Variants in RSF1 observed in about 807,000 individuals in gnomAD.
The protein encoded by RSF1 is HBV pX-associated protein 8.
In RSF1, 13 loss-of-function variants were observed where a neutral mutation model predicts 145.2. The observed-to-expected ratio is 0.09, with a 90% CI of 0.06 to 0.14. The LOEUF is 0.14. Among genes scored for constraint, RSF1 ranks in the 10% least tolerant of loss-of-function variants. The pLI is 1.00. For synonymous variants in RSF1, 577 were observed against 592.6 expected, an observed-to-expected ratio of 0.97 and a Z score of 0.38; for missense variants, 1,517 against 1,718.2, an observed-to-expected ratio of 0.88 and a Z score of 2.07.
chr11:77,819,382 G>C (rs909900698), intron 1 of RSF1, among the ~76,000 whole-genome samples: 2 of 152,236 alleles, frequency 1.3e-5, no homozygotes, highest in African/African-American at 4.8e-5. Context: ...GGAATAAATG[G>C]GGGTGAGTAT....
In RSF1 at chr11:77,672,098, C is replaced by T. The variant is rs755501559; in HGVS notation, c.3695G>A (p.Arg1232His). 10 of 1,614,046 alleles carry T rather than the reference C, an allele frequency of 6.2e-6. No homozygotes were observed. The highest frequency in any genetic ancestry group is 2.2e-5 in the East Asian group (1 of 44,886). ...GTGTACTCGCCTTATTTCTTTACCA[C>T]GTCGCAAACTCTTCTGGGAACCGTC... is the stretch of plus-strand genomic sequence containing the variant. ...ESDGSQKSLR[R>H]GKEIRRVHKR... The change falls in exon 15 of 16, where the codon CGT becomes CAT. Residue 1232 changes from arginine to histidine, a missense_variant. By Grantham distance (29) the Arg-to-His change is conservative. Coordinates refer to ENST00000308488, the MANE Select transcript of RSF1 (RefSeq NM_016578.4).
intron 5 of RSF1, 75 bp downstream of exon 5, chr11:77,725,470 T>C (rs1241627201): frequency 8.7e-7 from 1 of 1,152,256 alleles, no homozygotes; most frequent in Non-Finnish European, 1.1e-6. Context: ...TTCAGAATTA[T>C]ATAGTTGGGA....
At chr11:77,843,923 A>C in the RSF1 span, among the ~76,000 whole-genome samples, 1 of 152,176 alleles carries the variant, frequency 6.6e-6, no homozygotes. Flanking sequence ...GAGCTTGTGC[A>C]GAGAAACTCT....
intron 1 of RSF1, among the ~76,000 whole-genome samples, chr11:77,819,724 G>A (rs1025602698): frequency 6.6e-6 from 1 of 152,182 alleles, no homozygotes. Flanking sequence ...AAGATGAAGG[G>A]GGAAGGGATT....
intron 5 of RSF1, among the ~76,000 whole-genome samples, chr11:77,706,198 C>T (rs1373921013): frequency 6.7e-6 from 1 of 149,882 alleles, no homozygotes; most frequent in African/African-American, 2.5e-5. Flanking sequence ...CTGAGATTGC[C>T]CCACTGCACT....
intron 8 of RSF1, among the ~76,000 whole-genome samples, chr11:77,693,154 A>C (rs1415596245): frequency 6.6e-6 from 1 of 152,224 alleles, no homozygotes; most frequent in African/African-American, 2.4e-5. Flanking sequence ...AACTACTGAC[A>C]AATACAAAGT....
chr11:77,831,592 C>G, the RSF1 span, among the ~76,000 whole-genome samples: 7 of 152,176 alleles, frequency 4.6e-5, no homozygotes, highest in South Asian at 1.2e-3. Context: ...CTGCTCTACC[C>G]TTACCTTCTT....
chr11:77,828,646 G>C, the RSF1 span, among the ~76,000 whole-genome samples: 1 of 150,590 alleles, frequency 6.6e-6, no homozygotes, highest in East Asian at 1.9e-4. Context: ...ACTGCGCCTG[G>C]GCAACAGAGT....
Position 77,734,640 on chromosome 11 carries a change from A to G in RSF1, c.578+6091T>C, listed in dbSNP as rs912240280. On this transcript the variant is annotated intron_variant, in intron 4 of 15. Coordinates refer to ENST00000308488, the MANE Select transcript of RSF1 (RefSeq NM_016578.4). ...AATGTGTCTCAATGAAGTCACACAA[A>G]TGGGGGTCATTTTTGTCAGTGGCCA... The G allele has an allele frequency of 4.7e-5, 70 of 1,489,956 alleles. No homozygotes were observed. The South Asian group carries it at 7.4e-4, about 16-fold the overall frequency. 92.3% of individuals were successfully genotyped at this position (1,489,956 alleles called of 1,614,324 possible).
chr11:77,679,710 T>C (rs897878105), intron 11 of RSF1, among the ~76,000 whole-genome samples: 1 of 150,706 alleles, frequency 6.6e-6, no homozygotes, highest in African/African-American at 2.4e-5. Context: ...GTCCCAATAA[T>C]AGGGCTATAT....
At chr11:77,786,347 C>A (rs1044241259) in intron 1 of RSF1, among the ~76,000 whole-genome samples, 1 of 151,920 alleles carries the variant, frequency 6.6e-6, no homozygotes, top group Non-Finnish European at 1.5e-5. Context: ...CTGATCAGCA[C>A]GCGAATAAAA....
intron 1 of RSF1, among the ~76,000 whole-genome samples, 193 bp from the exon 2 acceptor site, chr11:77,764,882 C>T (rs1189445532): frequency 6.6e-6 from 1 of 152,092 alleles, no homozygotes; most frequent in Admixed American, 6.6e-5. Context: ...ACCACTTTCT[C>T]AAAGACAAGC....
At chr11:77,717,785 C>A (rs1960850849) in intron 5 of RSF1, 1 of 152,146 alleles carries the variant, frequency 6.6e-6, no homozygotes. Flanking sequence ...TATCTCCAGT[C>A]ATATTAAAAT....
intron 3 of RSF1, 65 bp downstream of exon 3, chr11:77,746,971 T>C: frequency 1.0e-6 from 1 of 994,784 alleles, no homozygotes; most frequent in Admixed American, 2.2e-5. Context: ...TATTTTCCAA[T>C]TTAACCAGGA....
chr11:77,830,987 CAAAAAA>C, the RSF1 span, among the ~76,000 whole-genome samples: 12,288 of 100,578 alleles, frequency 0.12, 806 homozygotes, highest in Admixed American at 0.25. Flanking sequence ...CAAAATATAC[CAAAAAA>C]AAAAAAAAAA....
At chr11:77,803,311 C>T (rs138698084) in intron 1 of RSF1, among the ~76,000 whole-genome samples, 338 of 152,100 alleles carry the variant, frequency 2.2e-3, no homozygotes, top group African/African-American at 7.3e-3. Context: ...CCAAACCCAG[C>T]TAATTTTTTT....
chr11:77,844,080 T>A, the RSF1 span, among the ~76,000 whole-genome samples: 1 of 152,068 alleles, frequency 6.6e-6, no homozygotes, highest in African/African-American at 2.4e-5. Context: ...TAAGATGAGA[T>A]TTGGGTGGGG....
At chr11:77,868,189 G>A in the RSF1 span, among the ~76,000 whole-genome samples, 2 of 150,842 alleles carry the variant, frequency 1.3e-5, no homozygotes, top group African/African-American at 2.4e-5. Flanking sequence ...CCGAGTAGCT[G>A]GGATTACAGG....
intron 10 of RSF1, 115 bp downstream of exon 10, chr11:77,684,990 A>T (rs1365915114): frequency 2.5e-6 from 1 of 403,732 alleles, no homozygotes; most frequent in African/African-American, 2.2e-5. Flanking sequence ...TCCATCTCGA[A>T]ATAAATAAAT....
Sources: allele counts gnomAD v4.1 joint callset (sites outside exome capture counted in the v4.1 genomes callset), GRCh38; gene constraint gnomAD v4.1.1; transcripts MANE v1.5; gene names NCBI Gene and HGNC (gene_info 2026-07-23, HGNC 2026-07-21).